EIF4E3: variants seen among roughly 807,000 people sequenced by gnomAD.
EIF4E3 encodes eukaryotic translation initiation factor 4E type 3.
In EIF4E3, 26 loss-of-function variants were observed where a neutral mutation model predicts 31.7. The ratio of observed to expected loss-of-function variants is 0.82; its 90% CI spans 0.60 to 1.14. EIF4E3 has a LOEUF of 1.14. Ranked by LOEUF, EIF4E3 falls within the 50% of genes most tolerant of loss-of-function variation. EIF4E3 has a pLI of 0.00. For synonymous variants in EIF4E3, 128 were observed against 107.7 expected (o/e 1.19, Z -1.17); for missense variants, 304 against 270.9 (o/e 1.12, Z -0.86).
chr3:71,675,967 G>C lies in EIF4E3; in HGVS notation c.*8715C>G, dbSNP rs1412306124. ...CATATGTTTCCACATACACAAACTG[G>C]GGACAACAATGACAGCATCTACCTC... On this transcript the variant is annotated 3_prime_UTR_variant, in exon 7 of 7. Transcript: ENST00000425534. The C allele has an allele frequency of 1.3e-5, 2 of 152,096 alleles. No individual in the cohort carries two copies. Among genetic ancestry groups the C allele is most frequent in the Non-Finnish European group, 2.9e-5 (2 of 68,024 alleles). 9.4% of individuals were successfully genotyped at this position (152,096 alleles called of 1,614,324 possible).
chr3:71,740,591 G>A (rs559104852), intron 1 of EIF4E3, among the ~76,000 whole-genome samples: 4 of 152,180 alleles, frequency 2.6e-5, no homozygotes, highest in South Asian at 2.1e-4. Context: ...AAAATTAGCC[G>A]GGCATGGTGG....
the EIF4E3 span, among the ~76,000 whole-genome samples, chr3:71,667,979 C>T: frequency 6.6e-6 from 1 of 152,148 alleles, no homozygotes; most frequent in African/African-American, 2.4e-5. Flanking sequence ...AAGCTGGAGG[C>T]ATCATGCTAC....
chr3:71,748,423 G>A (rs1392517100), intron 1 of EIF4E3, among the ~76,000 whole-genome samples: 1 of 152,164 alleles, frequency 6.6e-6, no homozygotes. Context: ...GAACAAGGAA[G>A]AACTGGGTTT....
chr3:71,665,498 C>T, the EIF4E3 span, among the ~76,000 whole-genome samples: 1 of 152,164 alleles, frequency 6.6e-6, no homozygotes, highest in African/African-American at 2.4e-5. Flanking sequence ...ATACTTTTCC[C>T]CTATTTTGAA....
intron 2 of EIF4E3, among the ~76,000 whole-genome samples, chr3:71,701,987 T>C (rs1233853875): frequency 1.3e-5 from 2 of 152,160 alleles, no homozygotes; most frequent in African/African-American, 2.4e-5. Context: ...TATTCCAATA[T>C]TTCAGTTTCT....
intron 1 of EIF4E3, among the ~76,000 whole-genome samples, chr3:71,742,025 A>G (rs940707550): frequency 1.3e-5 from 2 of 152,220 alleles, no homozygotes; most frequent in African/African-American, 4.8e-5. Flanking sequence ...TTCTTAGGGG[A>G]AAATTTATAA....
chr3:71,704,614 T>A (rs1419611985), intron 2 of EIF4E3, among the ~76,000 whole-genome samples: 1 of 152,208 alleles, frequency 6.6e-6, no homozygotes, highest in African/African-American at 2.4e-5. Context: ...GGGGTCTGGA[T>A]GTGTGTGTAC....
the EIF4E3 span, among the ~76,000 whole-genome samples, chr3:71,668,722 G>T: frequency 1.3e-5 from 2 of 152,136 alleles, no homozygotes; most frequent in Non-Finnish European, 2.9e-5. Context: ...TTAGAATGGC[G>T]ATCATTAAAA....
At chr3:71,725,822 G>A (rs1252606551), upstream of EIF4E3, among the ~76,000 whole-genome samples, 1 of 152,134 alleles carries the variant, frequency 6.6e-6, no homozygotes, top group East Asian at 1.9e-4. This position sits in a 1 kb window ranked among gnomAD's most constrained non-coding sequence, Gnocchi z 6.1. Context: ...CCAGACCCAC[G>A]TGGTGCGAGG....
At chr3:71,725,724 G>A (rs1376006046), upstream of EIF4E3, among the ~76,000 whole-genome samples, 1 of 152,148 alleles carries the variant, frequency 6.6e-6, no homozygotes, top group Admixed American at 6.5e-5. The surrounding 1 kb of genome is among the most constrained non-coding windows in gnomAD (Gnocchi z 6.1). Flanking sequence ...CGGTCTGCGG[G>A]CTGGCTCTGC....
chr3:71,698,492 A>T (rs964241778), intron 3 of EIF4E3, among the ~76,000 whole-genome samples: 9 of 152,168 alleles, frequency 5.9e-5, no homozygotes, highest in Non-Finnish European at 1.3e-4. Flanking sequence ...AGAGCATCCC[A>T]GTTTCCCTCT....
chr3:71,726,288 G>A (rs993765268), upstream of EIF4E3, among the ~76,000 whole-genome samples: 1 of 152,190 alleles, frequency 6.6e-6, no homozygotes, highest in Non-Finnish European at 1.5e-5. Flanking sequence ...GGAGGAAAGC[G>A]GGCACCTGTG....
chr3:71,671,910 A>C (rs2048849160), downstream of EIF4E3, among the ~76,000 whole-genome samples: 4 of 152,132 alleles, frequency 2.6e-5, no homozygotes, highest in South Asian at 8.3e-4. Flanking sequence ...TAGACCATAG[A>C]GCAATCACAA....
At chr3:71,717,073 T>C (rs1214501878) in intron 1 of EIF4E3, among the ~76,000 whole-genome samples, 1 of 152,216 alleles carries the variant, frequency 6.6e-6, no homozygotes, top group Non-Finnish European at 1.5e-5. Flanking sequence ...TTACAATCCA[T>C]ATGTATGCCT....
chr3:71,738,330 ACCCC>A (rs769952884), intron 1 of EIF4E3, among the ~76,000 whole-genome samples: 386 of 152,272 alleles, frequency 2.5e-3, no homozygotes, highest in East Asian at 5.6e-3. Flanking sequence ...TTAGACTTTT[ACCCC>A]CACCAGGTAG....
chr3:71,660,163 A>T, the EIF4E3 span, among the ~76,000 whole-genome samples: 3 of 152,154 alleles, frequency 2.0e-5, no homozygotes, highest in Admixed American at 2.0e-4. Flanking sequence ...GGGTGGTGTG[A>T]GCAGAAAATG....
Position 71,684,617 on chromosome 3 carries a change from C to T in EIF4E3, c.*65G>A, listed in dbSNP as rs932543412. ...CTTCGGCAAGTCTTCTCTTCACTCTCCCTCCTGTTAAGACCGTTTCCAAAA... is the reference window on the plus strand; with the variant it reads ...CTTCGGCAAGTCTTCTCTTCACTCTTCCTCCTGTTAAGACCGTTTCCAAAA... On this transcript the variant is annotated 3_prime_UTR_variant, in exon 7 of 7. Coordinates refer to ENST00000425534, the MANE Select transcript of EIF4E3 (RefSeq NM_001134651.2). 6.3e-7 allele frequency: 1 copy of T among 1,594,786 alleles called. No individual in the cohort carries two copies. Among genetic ancestry groups the T allele is most frequent in the Non-Finnish European group, 8.6e-7 (1 of 1,164,442 alleles).
intron 1 of EIF4E3, among the ~76,000 whole-genome samples, chr3:71,712,001 AT>A (rs1375704114): frequency 2.6e-5 from 4 of 152,136 alleles, no homozygotes; most frequent in African/African-American, 9.7e-5. Flanking sequence ...AAAAAATGCA[AT>A]TCTGAATACC....
intron 3 of EIF4E3, 49 bp downstream of exon 3, chr3:71,699,565 C>T (rs1173856851): frequency 6.6e-7 from 1 of 1,518,666 alleles, no homozygotes. Context: ...ATGAGGTTCA[C>T]AAACATTTTC....
Sources: gnomAD v4.1 joint callset for allele counts (sites outside exome capture counted in the v4.1 genomes callset) on GRCh38, gnomAD v4.1.1 for gene constraint, Gnocchi (gnomAD v3.1) non-coding constraint, MANE v1.5 for transcripts, NCBI Gene and HGNC (gene_info 2026-07-23, HGNC 2026-07-21) for gene names.